The following SALL2 variants were observed in gnomAD, a reference collection of about 807,000 sequenced individuals.
SALL2 encodes spalt like transcription factor 2.
SALL2 carries 32 observed loss-of-function variants against 58.5 expected under a neutral mutation model. That is an observed-to-expected ratio of 0.55 (90% CI 0.41 to 0.74). SALL2 has a LOEUF of 0.74. SALL2 is among the 30% of genes least tolerant of loss of function. SALL2 has a pLI of 0.00. For synonymous variants in SALL2, 516 were observed against 513.6 expected, an observed-to-expected ratio of 1.00 and a Z score of -0.06; for missense variants, 1,201 against 1,268.9, an observed-to-expected ratio of 0.95 and a Z score of 0.81.
chr14:21,532,723 G>T (rs2082010865), intron 1 of SALL2, among the ~76,000 whole-genome samples: 1 of 152,066 alleles, frequency 6.6e-6, no homozygotes, highest in African/African-American at 2.4e-5. Flanking sequence ...CAGCACTTTG[G>T]GAGGCCAAAG....
chr14:21,530,459 T>C (rs1892432376), upstream of SALL2, among the ~76,000 whole-genome samples: 1 of 152,020 alleles, frequency 6.6e-6, no homozygotes, highest in South Asian at 2.1e-4. Flanking sequence ...CGGCTAATTT[T>C]GTATTTTTAG....
rs1183765702 is a variant in SALL2, at chr14:21,526,092, C to T, written c.36G>A (p.Gly12=). Residue 12 remains glycine, a synonymous_variant, in exon 1 of 2, where the codon GGG becomes GGA. Coordinates refer to ENST00000537235, the MANE Select transcript of SALL2 (RefSeq NM_001364564.1). ...AHESERSSRL[G]VPCGEPAELG... is the part of the protein sequence containing the mutation. ...GCTCTGCCGGCTCCCCGCAGGGCAC[C>T]CCGAGACGAGAGCTCCTCTCGGATT... The T allele has an allele frequency of 2.6e-6, 4 of 1,537,756 alleles. 1 individual carries two copies. The South Asian group carries it at 4.8e-5, about 18-fold the overall frequency.
upstream of SALL2, among the ~76,000 whole-genome samples, chr14:21,528,553 G>A (rs930454547): frequency 4.6e-5 from 7 of 152,072 alleles, no homozygotes; most frequent in African/African-American, 1.7e-4. Flanking sequence ...GAAATGGACG[G>A]GTTCTGTGCT....
Position 21,525,735 on chromosome 14 carries a change from G to C in SALL2, c.68-81C>G. 3.5e-6 allele frequency: 5 copies of C among 1,434,706 alleles called. No individual in the cohort carries two copies. In the South Asian group the frequency reaches 7.0e-5, roughly 20 times the overall value. The allele number at this position is 1,434,706 out of a possible 1,614,324, so 88.9% of individuals were successfully genotyped here. ...GAGGCTCTAATTAACAAGGAGGCCA[G>C]TAACCGCTAGTTGGGGGTGGGGAGA... is the stretch of plus-strand genomic sequence containing the variant. On this transcript the variant is annotated intron_variant, in intron 1 of 1. Transcript: ENST00000537235. The surrounding 1 kb of genome is among the most constrained non-coding windows in gnomAD (Gnocchi z 4.4).
At chr14:21,526,463 C>T, upstream of SALL2, 1 of 1,304,090 alleles carries the variant, frequency 7.7e-7, no homozygotes, top group Non-Finnish European at 9.8e-7. Context: ...GAGCTCAGAG[C>T]TCGGGAGAGT....
upstream of SALL2, among the ~76,000 whole-genome samples, chr14:21,530,281 C>CTTTTTTTTTTTT (rs34598628): frequency 2.5e-4 from 16 of 64,832 alleles, no homozygotes; most frequent in African/African-American, 2.9e-4. Context: ...TTTTTTCTTT[C>CTTTTTTTTTTTT]TTTTTTTTTT....
At chr14:21,535,084 G>A (rs1027498247) in intron 1 of SALL2, among the ~76,000 whole-genome samples, 3 of 152,110 alleles carry the variant, frequency 2.0e-5, no homozygotes, top group South Asian at 4.1e-4. Context: ...GGTGGCTCAC[G>A]CCTGTAATCC....
chr14:21,532,793 C>G (rs1892499910), intron 1 of SALL2, among the ~76,000 whole-genome samples: 1 of 150,466 alleles, frequency 6.6e-6, no homozygotes. Flanking sequence ...GAAACCCTGT[C>G]TCTACTGAAA....
rs61743030 is a variant in SALL2 at position 21,523,670 on chromosome 14, A to C, written c.2052T>G (p.Ala684=). The C allele has an allele frequency of 1.2e-6, 2 of 1,614,094 alleles. No homozygotes were observed. The highest frequency in any genetic ancestry group is 1.7e-6 in the Non-Finnish European group (2 of 1,180,050). ...AHFVGHKASP[A]ARAQNSCPIC... is the part of the protein sequence containing the mutation. The stretch of plus-strand genomic sequence containing the variant: ...TGGGGCAGGAATTCTGTGCCCGGGC[A>C]GCTGGACTGGCCTTGTGGCCCACGA... Residue 684 remains alanine (A), a synonymous_variant, in exon 2 of 2, where the codon GCT becomes GCG. Transcript: ENST00000537235. The surrounding 1 kb of genome is among the most constrained non-coding windows in gnomAD (Gnocchi z 4.4).
At chr14:21,533,584 T>C (rs1412517694) in intron 1 of SALL2, among the ~76,000 whole-genome samples, 7 of 138,418 alleles carry the variant, frequency 5.1e-5, no homozygotes, top group Admixed American at 2.2e-4. Flanking sequence ...CTAGACTCTG[T>C]AGGGGAGAGA....
At chr14:21,532,748 A>G (rs1892498650) in intron 1 of SALL2, among the ~76,000 whole-genome samples, 1 of 151,992 alleles carries the variant, frequency 6.6e-6, no homozygotes, top group Admixed American at 6.5e-5. Context: ...CGGATCATGA[A>G]GTCAGGAGAT....
chr14:21,530,793 T>A (rs1892441743), upstream of SALL2, among the ~76,000 whole-genome samples: 1 of 152,174 alleles, frequency 6.6e-6, no homozygotes, highest in Non-Finnish European at 1.5e-5. Flanking sequence ...TATTTTTTTC[T>A]GTAGAGATGA....
In SALL2 at chr14:21,523,519, A is replaced by T; in HGVS notation, c.2203T>A (p.Ser735Thr). The part of the protein sequence containing the change: ...EGGGAAQENG[S>T]EQSTVSGARS... ...GCCCCGGAGACTGTAGATTGCTCGGAGCCATTCTCCTGAGCAGCTCCTCCA... is the reference window on the plus strand; with the variant it reads ...GCCCCGGAGACTGTAGATTGCTCGGTGCCATTCTCCTGAGCAGCTCCTCCA... The change falls in exon 2 of 2, where the codon TCC becomes ACC. Residue 735 changes from serine to threonine, a missense_variant. By Grantham distance (58) the Ser-to-Thr change is moderately conservative (BLOSUM62 1). Around this residue, in one of 3 missense-constraint regions of SALL2, gnomAD observed 675 missense variants for 683.8 expected, o/e 0.99. Coordinates refer to ENST00000537235, the MANE Select transcript of SALL2 (RefSeq NM_001364564.1). This position sits in a 1 kb window ranked among gnomAD's most constrained non-coding sequence, Gnocchi z 4.4. 1 of 1,614,124 alleles carries T rather than the reference A, an allele frequency of 6.2e-7. No individual in the cohort carries two copies. Among genetic ancestry groups the T allele is most frequent in the South Asian group, 1.1e-5 (1 of 91,082 alleles).
chr14:21,535,337 T>C (rs939636979), intron 1 of SALL2, among the ~76,000 whole-genome samples: 9 of 130,978 alleles, frequency 6.9e-5, no homozygotes, highest in Admixed American at 3.5e-4. Context: ...AGAGCGAGAC[T>C]CTCTCTCAAA....
At position 21,523,291 on chromosome 14, in the gene SALL2, C is replaced by T. The variant is rs141497783; in HGVS notation, c.2431G>A (p.Gly811Arg). 40 of 1,613,592 alleles carry T rather than the reference C, an allele frequency of 2.5e-5. No individual in the cohort carries two copies. The highest frequency in any genetic ancestry group is 3.3e-5 in the Non-Finnish European group (39 of 1,180,036). ...EEASGAEEEV[G>R]TVAAAATAGK... ...GCTGTGGCTGCTGCCGCCACTGTCC[C>T]CACCTCCTCCTCTGCCCCAGATGCC... Residue 811 changes from glycine to arginine, a missense_variant, in exon 2 of 2, where the codon GGG (glycine) becomes AGG (arginine). This residue lies in a region of SALL2 where 675 missense variants were observed against 683.8 expected (regional missense o/e 0.99). Transcript: ENST00000537235. The surrounding 1 kb of genome is among the most constrained non-coding windows in gnomAD (Gnocchi z 4.4).
chr14:21,528,949 A>G (rs894161811), upstream of SALL2, among the ~76,000 whole-genome samples: 16 of 152,156 alleles, frequency 1.1e-4, no homozygotes, highest in African/African-American at 3.4e-4. Context: ...AAGAAAAGAA[A>G]TCCTTTTCTT....
chr14:21,525,045 C>T lies in SALL2; in HGVS notation c.677G>A (p.Gly226Glu). Residue 226 changes from glycine to glutamate, a missense_variant, in exon 2 of 2, where the codon GGG (glycine) becomes GAG (glutamate). By Grantham distance (98) the Gly-to-Glu change is moderately conservative (BLOSUM62 -2). Around this residue, in one of 3 missense-constraint regions of SALL2, gnomAD observed 467 missense variants for 468.9 expected, o/e 1.00. Transcript: ENST00000537235. This position sits in a 1 kb window ranked among gnomAD's most constrained non-coding sequence, Gnocchi z 4.4. ...CTTGGTGGAAGAGGCAGTCCCTGTC[C>T]CAGGTAGCTCTGAGGGACTGGCAGG... ...GAPASPSELPGTGTASSTKPL... is the reference protein window; with the variant it reads ...GAPASPSELPETGTASSTKPL... The T allele has an allele frequency of 6.2e-7, 1 of 1,613,924 alleles. No homozygotes were observed. Among genetic ancestry groups the T allele is most frequent in the South Asian group, 1.1e-5 (1 of 91,068 alleles).
Position 21,525,347 on chromosome 14 carries a change from G to C in SALL2, c.375C>G (p.Val125=). The C allele has an allele frequency of 6.2e-7, 1 of 1,613,976 alleles. No individual in the cohort carries two copies. The highest frequency in any genetic ancestry group is 1.3e-5 in the African/African-American group (1 of 75,000). Residue 125 remains valine, a synonymous_variant, in exon 2 of 2, where the codon GTC becomes GTG. Coordinates refer to ENST00000537235, the MANE Select transcript of SALL2 (RefSeq NM_001364564.1). The surrounding 1 kb of genome is among the most constrained non-coding windows in gnomAD (Gnocchi z 4.4). The part of the protein sequence containing the change: ...RGEESSGHFL[V]AATGTAAGGG... ...CCCCAGCCGCTGTACCTGTGGCAGC[G>C]ACCAGGAAATGCCCTGAAGACTCCT...
Position 21,524,782 on chromosome 14 carries a change from A to G in SALL2, c.940T>C (p.Ser314Pro). 1 of 1,606,874 alleles carries G rather than the reference A, an allele frequency of 6.2e-7. No individual in the cohort carries two copies. The highest frequency in any genetic ancestry group is 8.5e-7 in the Non-Finnish European group (1 of 1,176,128). Residue 314 changes from serine (S) to proline (P), a missense_variant, in exon 2 of 2, where the codon TCG becomes CCG. Physicochemically the swap from Ser to Pro is moderately conservative, Grantham distance 74. Coordinates refer to ENST00000537235, the MANE Select transcript of SALL2 (RefSeq NM_001364564.1). ...LPGSTDQLIA[S>P]PHLAFPSTTG... Reference sequence around the variant, plus strand: ...GTGCTTGGGAATGCCAGATGAGGCGAGGCAATCAGCTGATCTGTGCTGCCT... The same window carrying G: ...GTGCTTGGGAATGCCAGATGAGGCGGGGCAATCAGCTGATCTGTGCTGCCT...
Sources: gnomAD v4.1 joint callset for allele counts (sites outside exome capture counted in the v4.1 genomes callset) on GRCh38, gnomAD v4.1.1 for gene constraint, gnomAD v4.1.1 regional missense constraint, Gnocchi (gnomAD v3.1) non-coding constraint, MANE v1.5 for transcripts, NCBI Gene and HGNC (gene_info 2026-07-23, HGNC 2026-07-21) for gene names.